GOLGA3: variants seen among roughly 807,000 people sequenced by gnomAD.
GOLGA3 encodes the protein golgin A3, also known as golgin subfamily A member 3.
In GOLGA3, 75 loss-of-function variants were observed where a neutral mutation model predicts 169.4. That is an observed-to-expected ratio of 0.44 (90% CI 0.37 to 0.54). GOLGA3 has a LOEUF of 0.54. Among genes scored for constraint, GOLGA3 ranks in the 20% least tolerant of loss-of-function variants. The pLI, the probability that GOLGA3 is intolerant of heterozygous loss-of-function variation, is 0.00. For synonymous variants in GOLGA3, 824 were observed against 822.4 expected, an observed-to-expected ratio of 1.00 and a Z score of -0.03; for missense variants, 1,899 against 1,930.0, an observed-to-expected ratio of 0.98 and a Z score of 0.30.
chr12:132,776,822 TCTAG>T, intron 20 of GOLGA3, 66 bp from the exon 21 acceptor site: 3 of 1,586,192 alleles, frequency 1.9e-6, no homozygotes, highest in Non-Finnish European at 2.6e-6. Flanking sequence ...GGAAAATGGC[TCTAG>T]CTGTGTTTTG....
rs1305125779 is a variant in GOLGA3 at position 132,804,853 on chromosome 12, A to C, written c.1460T>G (p.Leu487Arg). 1 of 1,614,056 alleles carries C rather than the reference A, an allele frequency of 6.2e-7. No homozygotes were observed. Among genetic ancestry groups the C allele is most frequent in the African/African-American group, 1.3e-5 (1 of 74,952 alleles). The change falls in exon 7 of 24, where the codon CTG becomes CGG. Residue 487 changes from leucine (L) to arginine (R), a missense_variant. Physicochemically the swap from Leu to Arg is moderately radical, Grantham distance 102 (BLOSUM62 -2). Coordinates refer to ENST00000450791, the MANE Select transcript of GOLGA3 (RefSeq NM_001389683.1). This position sits in a 1 kb window ranked among gnomAD's most constrained non-coding sequence, Gnocchi z 4.1. ...ATTTTTTGCCTCCAGCATGTTCTGC[A>C]GGTCAGTCATGGCTCGCTCCAGGTC... Reference protein sequence around the residue: ...CWDLERAMTDLQNMLEAKNAS... With the variant: ...CWDLERAMTDRQNMLEAKNAS...
At chr12:132,784,538 A>G (rs1241151801) in intron 15 of GOLGA3, among the ~76,000 whole-genome samples, 1 of 152,234 alleles carries the variant, frequency 6.6e-6, no homozygotes, top group African/African-American at 2.4e-5. Context: ...CTTCAGTTCA[A>G]TGCTTCAAAA....
intron 8 of GOLGA3, among the ~76,000 whole-genome samples, chr12:132,800,974 A>C (rs1024216287): frequency 2.0e-5 from 3 of 152,180 alleles, no homozygotes; most frequent in African/African-American, 7.2e-5. Context: ...AAAACCAAAA[A>C]CAAAAAGACT....
chr12:132,805,838 T>TGC (rs1442109248), intron 6 of GOLGA3, among the ~76,000 whole-genome samples: 1 of 152,158 alleles, frequency 6.6e-6, no homozygotes, highest in African/African-American at 2.4e-5. Context: ...TGCACATGTA[T>TGC]GCGCACACAC....
At chr12:132,806,321 A>C (rs2136585713) in intron 6 of GOLGA3, among the ~76,000 whole-genome samples, 1 of 152,352 alleles carries the variant, frequency 6.6e-6, no homozygotes, top group African/African-American at 2.4e-5. Context: ...AGAGGAGGGG[A>C]AATGCATCCG....
intron 22 of GOLGA3, chr12:132,774,667 TA>T (rs1358209021): frequency 1.0e-5 from 4 of 401,890 alleles, no homozygotes; most frequent in Admixed American, 4.2e-5. Context: ...AGAAATTAAG[TA>T]AGTTTTCCAG....
chr12:132,825,669 T>C, intron 1 of GOLGA3: 2 of 924,768 alleles, frequency 2.2e-6, no homozygotes, highest in South Asian at 2.6e-5. Context: ...AGTTAGAAAC[T>C]GGAAGAGCAC....
At position 132,816,807 on chromosome 12, in the gene GOLGA3, C is replaced by T. The variant is rs751751766; in HGVS notation, c.139G>A (p.Glu47Lys). Residue 47 changes from glutamate to lysine, a missense_variant, in exon 3 of 24, where the codon GAG becomes AAG. Physicochemically the swap from Glu to Lys is moderately conservative, Grantham distance 56. Coordinates refer to ENST00000450791, the MANE Select transcript of GOLGA3 (RefSeq NM_001389683.1). Reference sequence around the variant, plus strand: ...CCTTCCGTGGATGCTCTGTTTACCTCGGCACCTGGAAAGACAGAGCACGCT... The same window carrying T: ...CCTTCCGTGGATGCTCTGTTTACCTTGGCACCTGGAAAGACAGAGCACGCT... ...PDQQDKVQCA[E>K]VNRASTEGES... 3.1e-6 allele frequency: 5 copies of T among 1,592,106 alleles called. No homozygotes were observed. Among genetic ancestry groups the T allele is most frequent in the Admixed American group, 1.7e-5 (1 of 58,216 alleles).
chr12:132,778,298 G>C (rs1265483794), intron 18 of GOLGA3, among the ~76,000 whole-genome samples: 1 of 149,414 alleles, frequency 6.7e-6, no homozygotes, highest in Non-Finnish European at 1.5e-5. Context: ...AAATAGGCCA[G>C]GCGTGGCGGC....
At chr12:132,789,569 C>G (rs1293222946) in intron 12 of GOLGA3, among the ~76,000 whole-genome samples, 1 of 152,220 alleles carries the variant, frequency 6.6e-6, no homozygotes, top group African/African-American at 2.4e-5. Context: ...TGGCTCTCTC[C>G]TGACTTCAGT....
At position 132,801,919 on chromosome 12, in the gene GOLGA3, CCTG is replaced by C. The variant is rs776905845; in HGVS notation, c.1645_1647del (p.Gln549del). The C allele has an allele frequency of 6.2e-7, 1 of 1,601,614 alleles. No homozygotes were observed. Among genetic ancestry groups the C allele is most frequent in the African/African-American group, 1.3e-5 (1 of 74,944 alleles). ...GTCAGCGTCGTCCGCTCCAGCTGCA[CCTG>C]CTGAAGCTGGCTCTGCAAGGCTGTC... On this transcript the variant is annotated inframe_deletion, in exon 8 of 24. Transcript: ENST00000450791.
In GOLGA3 at chr12:132,773,220, G is replaced by A. The variant is rs1192063451; in HGVS notation, c.4382C>T (p.Thr1461Met). The A allele has an allele frequency of 1.3e-5, 20 of 1,572,742 alleles. No homozygotes were observed. The highest frequency in any genetic ancestry group is 3.4e-4 in the Middle Eastern group (2 of 5,922). The change falls in exon 24 of 24, where the codon ACG becomes ATG. Residue 1461 changes from threonine to methionine, a missense_variant. Coordinates refer to ENST00000450791, the MANE Select transcript of GOLGA3 (RefSeq NM_001389683.1). ...LTVHESLSSW[T>M]PLEPATASPV... ...GCTGGCAGTGGCTGGCTCCAGCGGC[G>A]TCCACGAGGACAGAGACTCGTGCAC...
intron 2 of GOLGA3, among the ~76,000 whole-genome samples, chr12:132,820,272 A>G (rs548604830): frequency 1.3e-5 from 2 of 152,230 alleles, no homozygotes; most frequent in Admixed American, 6.5e-5. Flanking sequence ...CCAGGAGTTC[A>G]TGGCTGCCGT....
chr12:132,791,405 C>G (rs1034522247), intron 11 of GOLGA3, 112 bp from the exon 12 acceptor site: 9 of 612,756 alleles, frequency 1.5e-5, no homozygotes, highest in Admixed American at 2.7e-5. Flanking sequence ...ACAAATGTTA[C>G]AGAGAGCTCC....
chr12:132,801,633 G>A, intron 8 of GOLGA3, 134 bp downstream of exon 8: 1 of 813,238 alleles, frequency 1.2e-6, no homozygotes, highest in Non-Finnish European at 2.0e-6. Flanking sequence ...ATGGGACACG[G>A]GGTGGGCTGG....
intron 2 of GOLGA3, among the ~76,000 whole-genome samples, chr12:132,821,342 G>T (rs1222886994): frequency 1.3e-5 from 2 of 151,662 alleles, no homozygotes; most frequent in Non-Finnish European, 2.9e-5. Context: ...GGGAAGTGGA[G>T]GTTGCAGTGA....
rs771792569 is a variant in GOLGA3, at chr12:132,813,374, C to T, written c.452G>A (p.Arg151Gln). Residue 151 changes from arginine (R) to glutamine (Q), a missense_variant, in exon 4 of 24, where the codon CGA (arginine) becomes CAA (glutamine). By Grantham distance (43) the Arg-to-Gln change is conservative. Transcript: ENST00000450791. ...TTCCAGCCACTTCCGAGCCTGAAGT[C>T]GGACCTGCTCCTCCTTCTCCAGGGG... ...PLPLEKEEQVRLQARKWLEEQ... is the reference protein window; with the variant it reads ...PLPLEKEEQVQLQARKWLEEQ... 21 of 1,613,284 alleles carry T rather than the reference C, an allele frequency of 1.3e-5. No individual in the cohort carries two copies. The highest frequency in any genetic ancestry group is 2.2e-5 in the South Asian group (2 of 91,046).
intron 12 of GOLGA3, among the ~76,000 whole-genome samples, chr12:132,789,776 G>A (rs1231541985): frequency 6.6e-6 from 1 of 152,226 alleles, no homozygotes; most frequent in African/African-American, 2.4e-5. Context: ...GCTCACACTT[G>A]TAATCCCAGC....
intron 9 of GOLGA3, 83 bp downstream of exon 9, chr12:132,798,257 G>A (rs1196089598): frequency 1.5e-6 from 2 of 1,305,606 alleles, no homozygotes; most frequent in African/African-American, 3.0e-5. Flanking sequence ...CACACAGAGA[G>A]ACGGAACATG....
Sources: allele counts gnomAD v4.1 joint callset (sites outside exome capture counted in the v4.1 genomes callset), GRCh38; gene constraint gnomAD v4.1.1; non-coding constraint Gnocchi (gnomAD v3.1); transcripts MANE v1.5; gene names NCBI Gene and HGNC (gene_info 2026-07-23, HGNC 2026-07-21).